EPHA6: variants seen among roughly 807,000 people sequenced by gnomAD.
EPHA6 encodes the protein EPH receptor A6.
EPHA6 carries 50 observed loss-of-function variants against 112.0 expected under a neutral mutation model. The observed-to-expected ratio is 0.45, with a 90% CI of 0.36 to 0.56. EPHA6 has a LOEUF of 0.56. Ranked by LOEUF, EPHA6 falls within the 20% of genes least tolerant of loss-of-function variation. The pLI, the probability that EPHA6 is intolerant of heterozygous loss-of-function variation, is 0.00. For missense variants in EPHA6, 1,280 were observed against 1,417.4 expected, an observed-to-expected ratio of 0.90 and a Z score of 1.56; for synonymous variants, 529 against 490.7, an observed-to-expected ratio of 1.08 and a Z score of -1.03.
intron 6 of EPHA6, among the ~76,000 whole-genome samples, chr3:97,416,058 A>AT (rs1418185956): frequency 6.6e-6 from 1 of 152,094 alleles, no homozygotes; most frequent in Non-Finnish European, 1.5e-5. Context: ...AATCTGTGGC[A>AT]TATAAAAATC....
At chr3:97,480,250 T>C (rs1577527459) in intron 9 of EPHA6, among the ~76,000 whole-genome samples, 1 of 152,210 alleles carries the variant, frequency 6.6e-6, no homozygotes, top group East Asian at 1.9e-4. Flanking sequence ...TTTTAGTATT[T>C]ATTGATCATT....
At chr3:97,629,662 T>A (rs894567494) in intron 13 of EPHA6, among the ~76,000 whole-genome samples, 1 of 152,046 alleles carries the variant, frequency 6.6e-6, no homozygotes, top group Admixed American at 6.6e-5. Context: ...TGGTCACTCC[T>A]ATCCCTTTGT....
chr3:97,275,345 C>T (rs1180257008), intron 5 of EPHA6, among the ~76,000 whole-genome samples: 1 of 152,128 alleles, frequency 6.6e-6, no homozygotes, highest in Non-Finnish European at 1.5e-5. Context: ...TCTGTGAAGC[C>T]TCGTGGCAGT....
intron 2 of EPHA6, among the ~76,000 whole-genome samples, chr3:96,922,409 G>T (rs1477330502): frequency 6.6e-6 from 1 of 152,106 alleles, no homozygotes; most frequent in African/African-American, 2.4e-5. Flanking sequence ...TACCAAATGT[G>T]GGATGTAGAC....
chr3:97,374,573 T>C (rs1467666852), intron 5 of EPHA6, among the ~76,000 whole-genome samples: 1 of 152,098 alleles, frequency 6.6e-6, no homozygotes, highest in Non-Finnish European at 1.5e-5. Context: ...TAGGGTATGA[T>C]TGAACCTGTC....
chr3:97,174,321 C>G (rs762154264), intron 3 of EPHA6, among the ~76,000 whole-genome samples: 1 of 151,830 alleles, frequency 6.6e-6, no homozygotes, highest in Non-Finnish European at 1.5e-5. Context: ...TAGGTTGCTT[C>G]CAAATCTTAA....
chr3:96,942,024 A>G (rs1369049381), intron 2 of EPHA6, among the ~76,000 whole-genome samples: 4 of 152,056 alleles, frequency 2.6e-5, no homozygotes, highest in African/African-American at 4.8e-5. Context: ...GTCTGCCCCT[A>G]CTGGGGGGTG....
rs529090296 is a variant in EPHA6 at position 97,372,870 on chromosome 3, A to G, written c.1607-32280A>G. Reference sequence around the variant, plus strand: ...GTAAATGGTTAATTTGGGAATAAAAAACGAGATAATTTGATCAAGGAGGTT... The same window carrying G: ...GTAAATGGTTAATTTGGGAATAAAAGACGAGATAATTTGATCAAGGAGGTT... On this transcript the variant is annotated intron_variant, in intron 5 of 17. Transcript: ENST00000389672. 4.5e-4 allele frequency among the ~76,000 whole-genome samples: 68 copies of G among 152,250 alleles called. 1 individual carries two copies. The highest frequency in any genetic ancestry group is 1.4e-3 in the African/African-American group (57 of 41,574).
chr3:97,253,236 GC>G (rs1266119473), intron 5 of EPHA6, among the ~76,000 whole-genome samples: 1 of 152,154 alleles, frequency 6.6e-6, no homozygotes, highest in Non-Finnish European at 1.5e-5. Flanking sequence ...GATATGACAG[GC>G]GGTGAATGTT....
intron 5 of EPHA6, among the ~76,000 whole-genome samples, chr3:97,349,308 A>G (rs2083686716): frequency 6.6e-6 from 1 of 152,060 alleles, no homozygotes; most frequent in Non-Finnish European, 1.5e-5. Flanking sequence ...AAAAAAAGAA[A>G]ATCAGAGTTC....
intron 11 of EPHA6, among the ~76,000 whole-genome samples, chr3:97,555,419 A>AT (rs2093092067): frequency 6.6e-6 from 1 of 152,112 alleles, no homozygotes; most frequent in South Asian, 2.1e-4. Flanking sequence ...TAGCAGCATG[A>AT]TTTATAGTCC....
At chr3:96,846,347 G>A (rs1264199735) in intron 1 of EPHA6, among the ~76,000 whole-genome samples, 2 of 151,984 alleles carry the variant, frequency 1.3e-5, no homozygotes, top group Non-Finnish European at 2.9e-5. Flanking sequence ...TAAAATGTAT[G>A]AAACATGCAG....
At chr3:97,083,145 T>C (rs2046777032) in intron 3 of EPHA6, among the ~76,000 whole-genome samples, 1 of 151,960 alleles carries the variant, frequency 6.6e-6, no homozygotes, top group Admixed American at 6.6e-5. Flanking sequence ...TTTTAACAAG[T>C]GTCTTTTGTT....
intron 3 of EPHA6, among the ~76,000 whole-genome samples, chr3:97,179,361 T>C (rs1438342075): frequency 6.6e-6 from 1 of 152,160 alleles, no homozygotes; most frequent in Non-Finnish European, 1.5e-5. Flanking sequence ...TCTCTATTTC[T>C]CTCAGGTGCC....
chr3:97,425,348 T>C (rs565562959), intron 6 of EPHA6, among the ~76,000 whole-genome samples: 21 of 152,298 alleles, frequency 1.4e-4, no homozygotes, highest in African/African-American at 5.1e-4. Context: ...CCATATACCC[T>C]CTGAAATATA....
At chr3:97,263,080 A>G (rs778210558) in intron 5 of EPHA6, among the ~76,000 whole-genome samples, 5 of 152,212 alleles carry the variant, frequency 3.3e-5, no homozygotes, top group African/African-American at 4.8e-5. Flanking sequence ...GCTGTAGTCA[A>G]TTATTAAAAT....
At chr3:96,954,257 C>T (rs906400109) in intron 2 of EPHA6, among the ~76,000 whole-genome samples, 7 of 152,178 alleles carry the variant, frequency 4.6e-5, no homozygotes, top group African/African-American at 1.7e-4. Context: ...TAAGCCAGAT[C>T]TTGCCATTCC....
intron 3 of EPHA6, among the ~76,000 whole-genome samples, chr3:97,202,704 G>T (rs1479372294): frequency 1.3e-5 from 2 of 152,110 alleles, no homozygotes; most frequent in Non-Finnish European, 2.9e-5. Flanking sequence ...AGTTGAACTT[G>T]TGTTGACTAT....
intron 3 of EPHA6, among the ~76,000 whole-genome samples, chr3:97,169,616 G>T (rs1446689336): frequency 6.6e-6 from 1 of 152,038 alleles, no homozygotes; most frequent in Non-Finnish European, 1.5e-5. Flanking sequence ...ATTTGCAGAT[G>T]AAAAGAATTA....
Sources: gnomAD v4.1 joint callset for allele counts (sites outside exome capture counted in the v4.1 genomes callset) on GRCh38, gnomAD v4.1.1 for gene constraint, MANE v1.5 for transcripts, NCBI Gene and HGNC (gene_info 2026-07-23, HGNC 2026-07-21) for gene names.